The following CHD6 variants were observed in gnomAD, a reference collection of about 807,000 sequenced individuals.
CHD6 encodes chromodomain helicase DNA binding protein 6.
A neutral mutation model predicts 276.9 loss-of-function variants in CHD6; 50 were observed. That is an observed-to-expected ratio of 0.18 (90% CI 0.14 to 0.23). The LOEUF (loss-of-function observed/expected upper bound fraction) is 0.23. Ranked by LOEUF, CHD6 falls within the 10% of genes least tolerant of loss-of-function variation. The pLI is 1.00. For synonymous variants in CHD6, 1,173 were observed against 1,229.3 expected (o/e 0.95, Z 0.96); for missense variants, 2,564 against 3,365.8 (o/e 0.76, Z 5.89).
At chr20:41,491,635 T>C in intron 11 of CHD6, 63 bp downstream of exon 11, 1 of 1,605,592 alleles carries the variant, frequency 6.2e-7, no homozygotes, top group Non-Finnish European at 8.5e-7. Context: ...ACTCTAGGTG[T>C]TCCAGGCTAA....
chr20:41,429,789 GTGGCATGTTCC>G (rs1344325874), intron 27 of CHD6, among the ~76,000 whole-genome samples: 1 of 152,162 alleles, frequency 6.6e-6, no homozygotes, highest in Non-Finnish European at 1.5e-5. Context: ...TCTTTGGAAG[GTGGCATGTTCC>G]TCTTGTTTTC....
At position 41,413,280 on chromosome 20, in the gene CHD6, C is replaced by G. The variant is rs753137769; in HGVS notation, c.7131+44G>C. On this transcript the variant is annotated intron_variant, in intron 35 of 36. Coordinates refer to ENST00000373233, the MANE Select transcript of CHD6 (RefSeq NM_032221.5). The stretch of plus-strand genomic sequence containing the variant: ...TTCATCAAAAATAGCAACAAGTCAG[C>G]AGGAAGTAAACAGTGATCTCAGGCA... 16 of 1,432,712 alleles carry G rather than the reference C, an allele frequency of 1.1e-5. No individual in the cohort carries two copies. In the East Asian group the frequency reaches 1.8e-4, roughly 16 times the overall value. 88.7% of individuals were successfully genotyped at this position (1,432,712 alleles called of 1,614,324 possible). A position where few individuals can be genotyped will look rare whatever the true frequency, so the allele number is the denominator to read the frequency against.
chr20:41,405,623 T>C lies in CHD6; in HGVS notation c.7252-134A>G. 5 of 634,826 alleles carry C rather than the reference T, an allele frequency of 7.9e-6. No homozygotes were observed. In the South Asian group the frequency reaches 1.1e-4, roughly 14 times the overall value. 39.3% of individuals were successfully genotyped at this position (634,826 alleles called of 1,614,324 possible). On this transcript the variant is annotated intron_variant, in intron 36 of 36. Transcript: ENST00000373233. Reference sequence around the variant, plus strand: ...AAGGGTTCCCAGTACAAGGAGCACCTCCCGCCTACTTGTGCAGCTCTCTGG... The same window carrying C: ...AAGGGTTCCCAGTACAAGGAGCACCCCCCGCCTACTTGTGCAGCTCTCTGG...
chr20:41,495,117 C>T (rs6016566), intron 8 of CHD6, among the ~76,000 whole-genome samples: 39,423 of 151,752 alleles, frequency 0.26, 5,249 homozygotes, highest in East Asian at 0.42. Context: ...AAAGCTAATA[C>T]TTATGGAGTA....
rs1231705019 is a variant in CHD6 at position 41,452,399 on chromosome 20, G to GA, written c.3323+340dup. Among the ~76,000 whole-genome samples, 1 of 152,224 alleles carries GA rather than the reference G, an allele frequency of 6.6e-6. No individual in the cohort carries two copies. Among genetic ancestry groups the GA allele is most frequent in the East Asian group, 1.9e-4 (1 of 5,196 alleles). On this transcript the variant is annotated intron_variant, in intron 21 of 36. Coordinates refer to ENST00000373233, the MANE Select transcript of CHD6 (RefSeq NM_032221.5). This position sits in a 1 kb window ranked among gnomAD's most constrained non-coding sequence, Gnocchi z 4.2. ...TTCTACCAGAGCCAAAGCCCTGCACGAATCATGCCTTGGCGATAACATGTG... is the reference window on the plus strand; with the variant it reads ...TTCTACCAGAGCCAAAGCCCTGCACGAAATCATGCCTTGGCGATAACATGTG...
rs1207294319 is a variant in CHD6, at chr20:41,420,857, T to C, written c.5778A>G (p.Leu1926=). ...SLEVANQTPG[L]QRAFPAPAAC... ...CTGCTGGAGCGGGGAAAGCCCTCTG[T>C]AGCCCAGGAGTCTGGTTTGCCACCT... Residue 1926 remains leucine (L), a synonymous_variant, in exon 31 of 37, where the codon CTA becomes CTG. Coordinates refer to ENST00000373233, the MANE Select transcript of CHD6 (RefSeq NM_032221.5). The C allele has an allele frequency of 2.5e-6, 4 of 1,614,122 alleles. No homozygotes were observed. The highest frequency in any genetic ancestry group is 3.4e-6 in the Non-Finnish European group (4 of 1,180,052).
At chr20:41,605,163 G>C (rs747663286) in intron 1 of CHD6, among the ~76,000 whole-genome samples, 1 of 152,248 alleles carries the variant, frequency 6.6e-6, no homozygotes, top group Non-Finnish European at 1.5e-5. Context: ...TAGAGAGACA[G>C]AAAGTTATAA....
At chr20:41,563,891 G>T (rs2045327877) in intron 1 of CHD6, 2 of 591,518 alleles carry the variant, frequency 3.4e-6, no homozygotes, top group Admixed American at 3.4e-5. Flanking sequence ...AATCTTATGG[G>T]GGAAGACAAA....
chr20:41,447,822 A>G (rs2048116675), intron 24 of CHD6, 60 bp downstream of exon 24: 1 of 1,300,554 alleles, frequency 7.7e-7, no homozygotes, highest in South Asian at 1.3e-5. Flanking sequence ...GGCCAGCTCC[A>G]TGAATAGGCA....
intron 3 of CHD6, among the ~76,000 whole-genome samples, chr20:41,519,352 A>C (rs919510419): frequency 5.6e-4 from 85 of 152,230 alleles, no homozygotes; most frequent in Non-Finnish European, 6.0e-4. Context: ...ATATGCAAAT[A>C]ATCTTTGACT....
intron 2 of CHD6, among the ~76,000 whole-genome samples, chr20:41,541,032 GAA>G (rs33999422): frequency 8.5e-4 from 88 of 103,968 alleles, no homozygotes; most frequent in Middle Eastern, 5.7e-3. Flanking sequence ...ACTAAATGTA[GAA>G]AAAAAAAAAA....
At position 41,452,677 on chromosome 20, in the gene CHD6, G is replaced by A; in HGVS notation, c.3323+63C>T. 7.0e-7 allele frequency: 1 copy of A among 1,438,682 alleles called. No homozygotes were observed. Among genetic ancestry groups the A allele is most frequent in the Non-Finnish European group, 9.7e-7 (1 of 1,035,924 alleles). 89.1% of individuals were successfully genotyped at this position (1,438,682 alleles called of 1,614,324 possible). A position where few individuals can be genotyped will look rare whatever the true frequency, so the allele number is the denominator to read the frequency against. ...GAGAGACATCCTAGACAAATCTCAG[G>A]GACTGAAAAACAGAGGGGAACAAAC... is the stretch of plus-strand genomic sequence containing the variant. On this transcript the variant is annotated intron_variant, in intron 21 of 36. Coordinates refer to ENST00000373233, the MANE Select transcript of CHD6 (RefSeq NM_032221.5). This position sits in a 1 kb window ranked among gnomAD's most constrained non-coding sequence, Gnocchi z 4.2.
intron 1 of CHD6, among the ~76,000 whole-genome samples, chr20:41,562,368 G>T (rs1389053818): frequency 1.3e-5 from 2 of 152,054 alleles, no homozygotes; most frequent in Non-Finnish European, 2.9e-5. Context: ...TGCACAACCA[G>T]AATACTCAAA....
intron 2 of CHD6, among the ~76,000 whole-genome samples, chr20:41,551,030 C>A (rs1040173630): frequency 5.3e-5 from 8 of 152,316 alleles, no homozygotes; most frequent in Middle Eastern, 3.4e-3. Flanking sequence ...GAAAGCTGTT[C>A]AAAGGGAGGA....
chr20:41,442,961 G>C (rs1569082850), intron 25 of CHD6, among the ~76,000 whole-genome samples: 1 of 152,184 alleles, frequency 6.6e-6, no homozygotes, highest in Non-Finnish European at 1.5e-5. Context: ...CAGTCTCCTA[G>C]CACTGAAAAC....
intron 1 of CHD6, among the ~76,000 whole-genome samples, chr20:41,566,244 T>C (rs2045354201): frequency 6.6e-6 from 1 of 152,130 alleles, no homozygotes; most frequent in African/African-American, 2.4e-5. Flanking sequence ...AACTCAACCA[T>C]GAAATCACTA....
At chr20:41,453,701 C>T (rs1253589630) in intron 20 of CHD6, among the ~76,000 whole-genome samples, 1 of 152,220 alleles carries the variant, frequency 6.6e-6, no homozygotes, top group Non-Finnish European at 1.5e-5. Flanking sequence ...TGCTTTCTCC[C>T]CTTGCTTGGA....
intron 1 of CHD6, among the ~76,000 whole-genome samples, chr20:41,603,429 T>C (rs1465241704): frequency 6.6e-6 from 1 of 152,252 alleles, no homozygotes; most frequent in Non-Finnish European, 1.5e-5. Context: ...TTTATCACTA[T>C]GAGTTATGGT....
intron 27 of CHD6, among the ~76,000 whole-genome samples, chr20:41,430,419 A>T (rs1378806421): frequency 6.6e-6 from 1 of 152,232 alleles, no homozygotes; most frequent in Admixed American, 6.5e-5. Context: ...AAGCATGTCC[A>T]GTTTAATGTC....
Sources: allele counts gnomAD v4.1 joint callset (sites outside exome capture counted in the v4.1 genomes callset), GRCh38; gene constraint gnomAD v4.1.1; non-coding constraint Gnocchi (gnomAD v3.1); transcripts MANE v1.5; gene names NCBI Gene and HGNC (gene_info 2026-07-23, HGNC 2026-07-21).